Variants in FRMPD4 observed in about 807,000 individuals in gnomAD.
FRMPD4 encodes FERM and PDZ domain-containing protein 4.
FRMPD4 carries 22 observed loss-of-function variants against 94.1 expected under a neutral mutation model. The observed-to-expected ratio is 0.23, with a 90% CI of 0.17 to 0.33. FRMPD4 has a LOEUF of 0.33. Among genes scored for constraint, FRMPD4 ranks in the 10% least tolerant of loss-of-function variants. FRMPD4 has a pLI of 1.00. For synonymous variants in FRMPD4, 631 were observed against 548.6 expected (o/e 1.15, Z -2.10); for missense variants, 1,111 against 1,339.9 (o/e 0.83, Z 2.67).
chrX:12,619,353 G>A (rs921222683), intron 4 of FRMPD4, among the ~76,000 whole-genome samples: 9 of 111,885 alleles, frequency 8.0e-5, no homozygotes, highest in African/African-American at 2.6e-4. Flanking sequence ...ATAAATGATA[G>A]GGGAGTGACA....
chrX:12,332,120 AT>A, intron 1 of FRMPD4, among the ~76,000 whole-genome samples: 1 of 73,668 alleles, frequency 1.4e-5, no homozygotes, highest in Non-Finnish European at 2.6e-5. Flanking sequence ...TATATAATTT[AT>A]ATTTTATATA....
chrX:12,460,742 T>C (rs1036511528), intron 1 of FRMPD4, among the ~76,000 whole-genome samples: 1 of 111,735 alleles, frequency 8.9e-6, no homozygotes, highest in Non-Finnish European at 1.9e-5. Context: ...AGGAGCATAT[T>C]GGGCCTCGTA....
At position 12,364,911 on chromosome X, in the gene FRMPD4, T is replaced by G. The variant is rs1382791448; in HGVS notation, c.42-133769T>G. 4.4e-5 allele frequency among the ~76,000 whole-genome samples: 5 copies of G among 112,622 alleles called. No individual in the cohort carries two copies. The South Asian group carries it at 1.5e-3, about 33-fold the overall frequency. ...TCTTTACTTATTCCTCAAAGTCTAA[T>G]GCACATCAGCCAGGAAAGTTATACC... On this transcript the variant is annotated intron_variant, in intron 1 of 16. Coordinates refer to ENST00000675598, the MANE Select transcript of FRMPD4 (RefSeq NM_001368397.1).
At chrX:12,184,868 G>A (rs900771569) in intron 1 of FRMPD4, among the ~76,000 whole-genome samples, 1 of 111,451 alleles carries the variant, frequency 9.0e-6, no homozygotes, top group African/African-American at 3.3e-5. Flanking sequence ...TAGGGGCGAC[G>A]TAGGGATGGT....
intron 3 of FRMPD4, among the ~76,000 whole-genome samples, chrX:11,895,862 G>A (rs1033061759): frequency 8.9e-6 from 1 of 112,276 alleles, no homozygotes; most frequent in African/African-American, 3.2e-5. Flanking sequence ...TTCTGACATA[G>A]TTGTATAAGC....
intron 1 of FRMPD4, among the ~76,000 whole-genome samples, chrX:12,388,721 G>A (rs1381840443): frequency 9.5e-6 from 1 of 104,859 alleles, no homozygotes; most frequent in Non-Finnish European, 1.9e-5. Flanking sequence ...TTGAAGAGAT[G>A]CCTGCACTCC....
chrX:11,853,801 G>A (rs780585041), intron 1 of FRMPD4, among the ~76,000 whole-genome samples: 77 of 112,029 alleles, frequency 6.9e-4, no homozygotes, highest in African/African-American at 2.4e-3. Context: ...CCAGATGTAC[G>A]AATAAGAGCT....
intron 3 of FRMPD4, among the ~76,000 whole-genome samples, chrX:11,943,607 A>G (rs1231888072): frequency 5.4e-5 from 6 of 110,953 alleles, no homozygotes; most frequent in Non-Finnish European, 9.4e-5. Flanking sequence ...AGATAACTAC[A>G]TTATTCCATT....
chrX:12,052,512 A>G (rs1448971560), intron 3 of FRMPD4, among the ~76,000 whole-genome samples: 1 of 112,213 alleles, frequency 8.9e-6, no homozygotes, highest in Non-Finnish European at 1.9e-5. Flanking sequence ...GCAAAGGAAT[A>G]TATACTTAAA....
At chrX:12,587,385 C>T (rs1199188623) in intron 2 of FRMPD4, among the ~76,000 whole-genome samples, 2 of 111,741 alleles carry the variant, frequency 1.8e-5, no homozygotes, top group African/African-American at 6.5e-5. Context: ...AGTTCCAGAA[C>T]ATTTTCATTA....
chrX:12,379,444 A>T (rs2056288468), intron 1 of FRMPD4, among the ~76,000 whole-genome samples: 1 of 111,607 alleles, frequency 9.0e-6, no homozygotes, highest in Non-Finnish European at 1.9e-5. Flanking sequence ...ATGGTTTCCA[A>T]TATACTTATC....
rs192084008 is a variant in FRMPD4, at chrX:11,923,344, C to T, written c.95+45326C>T. Among the ~76,000 whole-genome samples the T allele has an allele frequency of 4.5e-5, 5 of 112,168 alleles. No homozygotes were observed. In the East Asian group the frequency reaches 1.4e-3, roughly 32 times the overall value. On this transcript the variant is annotated intron_variant, in intron 3 of 18. Coordinates refer to the FRMPD4 transcript ENST00000640291. ...GATCTTCCCACACCCTGAGTGATCACTCCTGTTTGCAGGGCACAAAGAAGT... is the reference window on the plus strand; with the variant it reads ...GATCTTCCCACACCCTGAGTGATCATTCCTGTTTGCAGGGCACAAAGAAGT...
intron 11 of FRMPD4, among the ~76,000 whole-genome samples, chrX:12,706,086 C>CTTT (rs375437435): frequency 1.9e-5 from 2 of 103,000 alleles, no homozygotes; most frequent in African/African-American, 7.1e-5. Context: ...AAACATGGAC[C>CTTT]TTTTTTTTTT....
Position 12,686,088 on chromosome X carries a change from G to T in FRMPD4, c.574-9G>T, listed in dbSNP as rs776284838. ...CAATTTATGCCCTGCCCTTTTTTTT[G>T]TTAAACAGGAAACTGTTAAGGACAA... is the stretch of plus-strand genomic sequence containing the variant. On this transcript the variant is annotated splice_polypyrimidine_tract_variant and intron_variant, in intron 6 of 16. Transcript: ENST00000675598. The T allele has an allele frequency of 1.3e-5, 13 of 999,060 alleles. No homozygotes were observed. The Admixed American group carries it at 1.7e-4, about 13-fold the overall frequency. The allele number at this position is 999,060 out of a possible 1,213,427, so 82.3% of individuals were successfully genotyped here. A position where few individuals can be genotyped will look rare whatever the true frequency, so the allele number is the denominator to read the frequency against.
At chrX:12,678,621 T>G (rs2059927156) in intron 5 of FRMPD4, among the ~76,000 whole-genome samples, 1 of 111,413 alleles carries the variant, frequency 9.0e-6, no homozygotes. Context: ...AGGTCGGGAG[T>G]TCGAGACCAG....
chrX:12,309,676 A>G (rs1342771982), intron 1 of FRMPD4, among the ~76,000 whole-genome samples: 1 of 112,416 alleles, frequency 8.9e-6, no homozygotes, highest in Non-Finnish European at 1.9e-5. Flanking sequence ...TCAATGAATT[A>G]AGGAATGGAA....
rs199914156 is a variant in FRMPD4, at chrX:12,160,065, A to AGG, written c.41+21056_41+21057dup. On this transcript the variant is annotated intron_variant, in intron 1 of 16. Coordinates refer to ENST00000675598, the MANE Select transcript of FRMPD4 (RefSeq NM_001368397.1). ...TGAACTGAGGTAGCTGTAGATGTTG[A>AGG]GGGGTGTGTGTGTGTGTGTGTGTGT... 7.3e-3 allele frequency among the ~76,000 whole-genome samples: 538 copies of AGG among 74,060 alleles called. 2 individuals are homozygous for AGG. The highest frequency in any genetic ancestry group is 0.038 in the African/African-American group (518 of 13,684). The allele number at this position is 74,060 out of a possible 115,157, so 64.3% of individuals were successfully genotyped here.
chrX:12,346,607 G>A (rs2055715483), intron 1 of FRMPD4, among the ~76,000 whole-genome samples: 1 of 110,835 alleles, frequency 9.0e-6, no homozygotes, highest in Non-Finnish European at 1.9e-5. Context: ...TTGTACATAC[G>A]CCACTGCTTT....
chrX:12,186,668 A>G (rs1041470356), intron 1 of FRMPD4, among the ~76,000 whole-genome samples: 17 of 112,018 alleles, frequency 1.5e-4, no homozygotes, highest in African/African-American at 5.5e-4. Flanking sequence ...TGAATACAGA[A>G]TATTTCATTA....
Sources: allele counts gnomAD v4.1 joint callset (sites outside exome capture counted in the v4.1 genomes callset), GRCh38; gene constraint gnomAD v4.1.1; transcripts MANE v1.5; gene names NCBI Gene and HGNC (gene_info 2026-07-23, HGNC 2026-07-21).